The following CRAMP1 variants were observed in gnomAD, a reference collection of about 807,000 sequenced individuals.
CRAMP1 encodes protein cramped-like.
CRAMP1 carries 50 observed loss-of-function variants against 115.4 expected under a neutral mutation model. The ratio of observed to expected loss-of-function variants is 0.43; its 90% confidence interval spans 0.35 to 0.55. The LOEUF (loss-of-function observed/expected upper bound fraction) is 0.55, where lower values mean the gene tolerates loss of function less well. Among genes scored for constraint, CRAMP1 ranks in the 20% least tolerant of loss-of-function variants. CRAMP1 has a pLI of 0.01. For synonymous variants in CRAMP1, 866 were observed against 745.4 expected (o/e 1.16, Z -2.64); for missense variants, 1,679 against 1,721.7 (o/e 0.98, Z 0.44).
chr16:1,613,341 C>G (rs1193872099), intron 1 of CRAMP1, among the ~76,000 whole-genome samples: 1 of 152,070 alleles, frequency 6.6e-6, no homozygotes, highest in African/African-American at 2.4e-5. Flanking sequence ...AGGGTGGGGG[C>G]ATCATTGCGA....
intron 3 of CRAMP1, among the ~76,000 whole-genome samples, chr16:1,629,120 T>C (rs2036529002): frequency 6.6e-6 from 1 of 152,238 alleles, no homozygotes. Context: ...CCATCATCCA[T>C]GCTTGTTTTT....
chr16:1,622,389 C>T (rs2036472576), intron 2 of CRAMP1, among the ~76,000 whole-genome samples: 1 of 152,136 alleles, frequency 6.6e-6, no homozygotes, highest in South Asian at 2.1e-4. Flanking sequence ...GGTGTGCACC[C>T]ATAATCCCAG....
At chr16:1,649,271 A>C (rs1444123087) in intron 6 of CRAMP1, among the ~76,000 whole-genome samples, 1 of 152,040 alleles carries the variant, frequency 6.6e-6, no homozygotes, top group Non-Finnish European at 1.5e-5. Context: ...CACTGAAGGC[A>C]CTCAGTCAGT....
intron 19 of CRAMP1, among the ~76,000 whole-genome samples, chr16:1,670,257 G>A (rs1378268752): frequency 1.3e-5 from 2 of 150,472 alleles, no homozygotes; most frequent in South Asian, 2.1e-4. Flanking sequence ...GCGAGACCCT[G>A]CCTTTAAAAA....
At chr16:1,641,705 T>A (rs2036633622) in intron 6 of CRAMP1, among the ~76,000 whole-genome samples, 2 of 152,210 alleles carry the variant, frequency 1.3e-5, no homozygotes, top group Admixed American at 6.5e-5. Flanking sequence ...GGGCCCCTGA[T>A]GGTCCAGTTG....
chr16:1,646,698 G>T (rs1209249520), intron 6 of CRAMP1, among the ~76,000 whole-genome samples: 1 of 152,164 alleles, frequency 6.6e-6, no homozygotes, highest in Non-Finnish European at 1.5e-5. Context: ...TTCTTCTATG[G>T]TTTATGCTTT....
intron 3 of CRAMP1, among the ~76,000 whole-genome samples, chr16:1,626,661 C>T (rs372961986): frequency 3.9e-5 from 6 of 152,156 alleles, no homozygotes; most frequent in Non-Finnish European, 5.9e-5. Flanking sequence ...CTGACCCCAC[C>T]GCCCAGTGAA....
chr16:1,643,281 G>C (rs1290556831), intron 6 of CRAMP1, among the ~76,000 whole-genome samples: 2 of 152,102 alleles, frequency 1.3e-5, no homozygotes, highest in East Asian at 3.9e-4. Flanking sequence ...AGTGGCTCAC[G>C]CCTGAAATCC....
At chr16:1,652,386 A>T (rs960769708) in intron 6 of CRAMP1, 110 bp from the exon 7 acceptor site, 1 of 876,714 alleles carries the variant, frequency 1.1e-6, no homozygotes, top group Admixed American at 2.8e-5. Context: ...GCTGGGGTGG[A>T]TGCTTGGCCA....
chr16:1,671,904 A>G lies in CRAMP1; in HGVS notation c.3645+1095A>G, dbSNP rs2036926256. Among the ~76,000 whole-genome samples, 1 of 152,210 alleles carries G rather than the reference A, an allele frequency of 6.6e-6. No individual in the cohort carries two copies. The highest frequency in any genetic ancestry group is 1.5e-5 in the Non-Finnish European group (1 of 68,036). On this transcript the variant is annotated intron_variant, in intron 20 of 20. Transcript: ENST00000397412. The surrounding 1 kb of genome is among the most constrained non-coding windows in gnomAD (Gnocchi z 5.0). ...GCCAAATATACACATAGACACAATT[A>G]ATAGCGTAGACCTCCATCTCACAGT... is the stretch of plus-strand genomic sequence containing the variant.
Position 1,674,175 on chromosome 16 carries a change from C to A in CRAMP1, c.*130C>A. On this transcript the variant is annotated 3_prime_UTR_variant, in exon 21 of 21. Coordinates refer to ENST00000397412, the MANE Select transcript of CRAMP1 (RefSeq NM_020825.4). The stretch of plus-strand genomic sequence containing the variant: ...ACTGTGCAACGGGCAGGAACGTGGT[C>A]ACAGAGCTGCTTCCCCACGAGCAGC... The A allele has an allele frequency of 1.1e-6, 1 of 906,764 alleles. No individual in the cohort carries two copies. The highest frequency in any genetic ancestry group is 1.6e-6 in the Non-Finnish European group (1 of 613,260). 56.2% of individuals were successfully genotyped at this position (906,764 alleles called of 1,614,324 possible).
chr16:1,634,261 C>T (rs962658233), intron 4 of CRAMP1, among the ~76,000 whole-genome samples: 27 of 152,186 alleles, frequency 1.8e-4, no homozygotes, highest in South Asian at 1.0e-3. Flanking sequence ...AGGCTCCTGG[C>T]GTAGACTTAT....
At chr16:1,641,451 C>G (rs759998298) in intron 6 of CRAMP1, among the ~76,000 whole-genome samples, 1 of 152,196 alleles carries the variant, frequency 6.6e-6, no homozygotes. Context: ...GTTGTGGTCT[C>G]GACGCAGCAC....
rs1045299343 is a variant in CRAMP1 at position 1,656,931 on chromosome 16, A to G, written c.2174A>G (p.His725Arg). 2 of 1,558,908 alleles carry G rather than the reference A, an allele frequency of 1.3e-6. No homozygotes were observed. The highest frequency in any genetic ancestry group is 8.7e-7 in the Non-Finnish European group (1 of 1,151,892). The change falls in exon 10 of 21, where the codon CAC becomes CGC. Residue 725 changes from histidine (H) to arginine (R), a missense_variant. Coordinates refer to ENST00000397412, the MANE Select transcript of CRAMP1 (RefSeq NM_020825.4). This position sits in a 1 kb window ranked among gnomAD's most constrained non-coding sequence, Gnocchi z 5.6. ...CCCGGCTCCCTACCCACCGCCCTCC[A>G]CAAGCAGCGCCTCCTCAGCTGCCTC... is the stretch of plus-strand genomic sequence containing the variant. The part of the protein sequence containing the change: ...PRPGSLPTAL[H>R]KQRLLSCLLK...
chr16:1,665,376 G>A (rs934479384), intron 14 of CRAMP1, among the ~76,000 whole-genome samples: 1 of 152,202 alleles, frequency 6.6e-6, no homozygotes, highest in African/African-American at 2.4e-5. Context: ...GCCTCAGATG[G>A]CCCTGTGTGA....
chr16:1,637,766 A>G (rs2142182952), intron 4 of CRAMP1, 58 bp from the exon 5 acceptor site: 1 of 868,464 alleles, frequency 1.2e-6, no homozygotes. Context: ...TCTCACACCC[A>G]AGCCAGGCAG....
chr16:1,664,124 G>C (rs563464807), intron 13 of CRAMP1, among the ~76,000 whole-genome samples: 8 of 152,300 alleles, frequency 5.3e-5, no homozygotes, highest in Admixed American at 5.2e-4. Context: ...GAACTGCAGC[G>C]GCACCCCCAG....
intron 3 of CRAMP1, among the ~76,000 whole-genome samples, chr16:1,631,273 C>T (rs2036546445): frequency 6.6e-6 from 1 of 152,246 alleles, no homozygotes; most frequent in African/African-American, 2.4e-5. Flanking sequence ...GGGTCATGGT[C>T]CACCATGCCA....
intron 14 of CRAMP1, 78 bp downstream of exon 14, chr16:1,665,216 C>T (rs1389366828): frequency 1.1e-6 from 1 of 884,146 alleles, no homozygotes; most frequent in Non-Finnish European, 1.9e-6. Context: ...ACAATGGGTG[C>T]TTATTTCCAT....
Sources: gnomAD v4.1 joint callset for allele counts (sites outside exome capture counted in the v4.1 genomes callset) on GRCh38, gnomAD v4.1.1 for gene constraint, Gnocchi (gnomAD v3.1) non-coding constraint, MANE v1.5 for transcripts, NCBI Gene and HGNC (gene_info 2026-07-23, HGNC 2026-07-21) for gene names.